SHARPIN: variants seen among roughly 807,000 people sequenced by gnomAD.
SHARPIN encodes SHANK associated RH domain interactor, also known as hSIPL1.
In SHARPIN, 25 loss-of-function variants were observed where a neutral mutation model predicts 40.3. The ratio of observed to expected loss-of-function variants is 0.62; its 90% CI spans 0.45 to 0.87. The LOEUF (loss-of-function observed/expected upper bound fraction) is 0.87. Among genes scored for constraint, SHARPIN ranks in the 40% least tolerant of loss-of-function variants. The probability of loss-of-function intolerance (pLI) is 0.00; values close to 1 mark genes in which losing one functional copy is unlikely to be tolerated. For missense variants in SHARPIN, 551 were observed against 516.1 expected (o/e 1.07, Z -0.66); for synonymous variants, 274 against 221.8 (o/e 1.24, Z -2.09).
intron 4 of SHARPIN, 39 bp downstream of exon 4, chr8:144,099,664 G>A (rs1564313584): frequency 1.9e-6 from 3 of 1,612,962 alleles, no homozygotes; most frequent in South Asian, 2.2e-5. Flanking sequence ...ACCTGGGATG[G>A]TCACGAGGAC....
In SHARPIN at chr8:144,103,202, C is replaced by G; in HGVS notation, c.225G>C (p.Glu75Asp). ...PGAVNLEWPL[E>D]SVSYTIRGPT... ...GGCCTCGGATGGTGTAGGAAACTGACTCCAGGGGCCACTCCAAATTAACCT... is the reference window on the plus strand; with the variant it reads ...GGCCTCGGATGGTGTAGGAAACTGAGTCCAGGGGCCACTCCAAATTAACCT... Residue 75 changes from glutamate (E) to aspartate (D), a missense_variant, in exon 2 of 9, where the codon GAG becomes GAC. Coordinates refer to ENST00000398712, the MANE Select transcript of SHARPIN (RefSeq NM_030974.4). 4 of 1,609,830 alleles carry G rather than the reference C, an allele frequency of 2.5e-6. No homozygotes were observed. The highest frequency in any genetic ancestry group is 3.4e-6 in the Non-Finnish European group (4 of 1,177,964).
chr8:144,102,952 G>A, intron 2 of SHARPIN, 99 bp downstream of exon 2: 1 of 1,462,840 alleles, frequency 6.8e-7, no homozygotes, highest in Non-Finnish European at 9.5e-7. Flanking sequence ...AGCCTTCCCA[G>A]ACATCCAGCA....
chr8:144,103,524 C>A (rs1444061843), intron 1 of SHARPIN, 29 bp downstream of exon 1: 35 of 1,529,922 alleles, frequency 2.3e-5, no homozygotes, highest in Non-Finnish European at 3.0e-5. Flanking sequence ...GCCAAGAGGA[C>A]TGACCGCGCG....
Position 144,100,086 on chromosome 8 carries a change from G to A in SHARPIN, c.377-17C>T. ...TCTTGCTGCCTAGAGGTAAGATATG[G>A]GTGTGCTGTGCTGTGGCCTCTGTCC... On this transcript the variant is annotated splice_polypyrimidine_tract_variant and intron_variant, in intron 2 of 8. Coordinates refer to ENST00000398712, the MANE Select transcript of SHARPIN (RefSeq NM_030974.4). 1.9e-6 allele frequency: 3 copies of A among 1,555,442 alleles called. No individual in the cohort carries two copies. The highest frequency in any genetic ancestry group is 2.6e-6 in the Non-Finnish European group (3 of 1,151,830).
Position 144,098,703 on chromosome 8 carries a change from G to A in SHARPIN, c.*98C>T, listed in dbSNP as rs1836217194. 1.9e-6 allele frequency: 1 copy of A among 522,838 alleles called. No homozygotes were observed. The highest frequency in any genetic ancestry group is 3.8e-5 in the Admixed American group (1 of 26,124). 32.4% of individuals were successfully genotyped at this position (522,838 alleles called of 1,614,324 possible). A position where few individuals can be genotyped will look rare whatever the true frequency, so the allele number is the denominator to read the frequency against. ...CCCCCCAACCCTGGTGACTGTCCCA[G>A]CAAGCAGTCAGTAGAGGTCCCCGGA... On this transcript the variant is annotated 3_prime_UTR_variant, in exon 9 of 9. Transcript: ENST00000398712.
chr8:144,099,126 G>T lies in SHARPIN; in HGVS notation c.1002C>A (p.Pro334=). 1 of 1,591,094 alleles carries T rather than the reference G, an allele frequency of 6.3e-7. No individual in the cohort carries two copies. The highest frequency in any genetic ancestry group is 8.6e-7 in the Non-Finnish European group (1 of 1,169,018). ...GRLFPPSLGL[P]PGPQPAASSL... ...TGGAGGCAGCTGGCTGGGGGCCTGG[G>T]GGTAGCCCCAATGATGGGGGAAACA... Residue 334 remains proline (P), a synonymous_variant, in exon 7 of 9, where the codon CCC becomes CCA. Transcript: ENST00000398712.
intron 2 of SHARPIN, chr8:144,102,718 G>A (rs1027729395): frequency 2.3e-6 from 1 of 436,634 alleles, no homozygotes; most frequent in South Asian, 2.3e-5. Flanking sequence ...TGCTGCTCTT[G>A]GGATGATGTC....
rs778687416 is a variant in SHARPIN at position 144,099,579 on chromosome 8, G to GGATGCGGCA, written c.690_698dup (p.Ala234_Ser236dup). On this transcript the variant is annotated inframe_insertion, in exon 5 of 9. Transcript: ENST00000398712. ...GGGCAACGTGTGCAGAGGACGCGGC[G>GGATGCGGCA]GATGCGGCAGAGGCAGCGTCTTCAA... 9 of 1,613,964 alleles carry GGATGCGGCA rather than the reference G, an allele frequency of 5.6e-6. No individual in the cohort carries two copies. Among genetic ancestry groups the GGATGCGGCA allele is most frequent in the Non-Finnish European group, 7.6e-6 (9 of 1,180,004 alleles).
At chr8:144,103,361 T>C (rs1323711370) in intron 1 of SHARPIN, 136 bp from the exon 2 acceptor site, 5 of 1,139,962 alleles carry the variant, frequency 4.4e-6, no homozygotes, top group East Asian at 2.6e-5. Context: ...ATCCTCACAA[T>C]AGCCCTGTAA....
At chr8:144,099,648 T>C (rs1276896763) in intron 4 of SHARPIN, 30 bp from the exon 5 acceptor site, 2 of 1,613,276 alleles carry the variant, frequency 1.2e-6, no homozygotes, top group East Asian at 2.2e-5. Context: ...CAGGGATGGA[T>C]GGGGGACCTG....
At chr8:144,101,226 T>C (rs571318286) in intron 2 of SHARPIN, among the ~76,000 whole-genome samples, 1 of 151,326 alleles carries the variant, frequency 6.6e-6, no homozygotes, top group Admixed American at 6.6e-5. Flanking sequence ...AACTCTACAG[T>C]AATTTTATTA....
Position 144,098,977 on chromosome 8 carries a change from A to C in SHARPIN, c.1065T>G (p.Pro355=), listed in dbSNP as rs1407687131. 1 of 1,602,388 alleles carries C rather than the reference A, an allele frequency of 6.2e-7. No individual in the cohort carries two copies. The highest frequency in any genetic ancestry group is 8.5e-7 in the Non-Finnish European group (1 of 1,176,812). Residue 355 remains proline, a synonymous_variant, in exon 8 of 9, where the codon CCT becomes CCG. Coordinates refer to ENST00000398712, the MANE Select transcript of SHARPIN (RefSeq NM_030974.4). ...PSPLQPSWSC[P]SCTFINAPDR... ...CTGGGGCATTGATGAAGGTGCAGGA[A>C]GGACAGGACCAGCTGGGCTGGGGGA...
chr8:144,101,575 ATTTTTTT>A (rs58173496), intron 2 of SHARPIN, among the ~76,000 whole-genome samples: 2 of 87,534 alleles, frequency 2.3e-5, no homozygotes, highest in South Asian at 4.6e-4. Flanking sequence ...CACCCAGCTA[ATTTTTTT>A]TTTTTTTTTT....
intron 2 of SHARPIN, 107 bp from the exon 3 acceptor site, chr8:144,100,176 C>T: frequency 9.3e-6 from 13 of 1,395,200 alleles, no homozygotes; most frequent in South Asian, 1.5e-5. Flanking sequence ...CATGCCAGGG[C>T]CCTGCCTCAG....
intron 1 of SHARPIN, 35 bp downstream of exon 1, chr8:144,103,518 A>C: frequency 6.5e-7 from 1 of 1,527,478 alleles, no homozygotes; most frequent in Non-Finnish European, 8.8e-7. Context: ...GCCCGGGCCA[A>C]GAGGACTGAC....
Position 144,103,003 on chromosome 8 carries a change from G to T in SHARPIN, c.376+48C>A, listed in dbSNP as rs775877099. The T allele has an allele frequency of 4.3e-6, 7 of 1,609,254 alleles. No individual in the cohort carries two copies. In the East Asian group the frequency reaches 1.6e-4, roughly 36 times the overall value. Reference sequence around the variant, plus strand: ...CCAACTTCCCCAACCAGGACTGGGGGGCCAAGGCTATTCCAAATTGTAATT... The same window carrying T: ...CCAACTTCCCCAACCAGGACTGGGGTGCCAAGGCTATTCCAAATTGTAATT... On this transcript the variant is annotated intron_variant, in intron 2 of 8. Coordinates refer to ENST00000398712, the MANE Select transcript of SHARPIN (RefSeq NM_030974.4).
Position 144,098,759 on chromosome 8 carries a change from G to A in SHARPIN, c.*42C>T, listed in dbSNP as rs372516788. 235 of 736,814 alleles carry A rather than the reference G, an allele frequency of 3.2e-4. 1 individual carries two copies. In the South Asian group the frequency reaches 4.6e-3, roughly 14 times the overall value. 45.6% of individuals were successfully genotyped at this position (736,814 alleles called of 1,614,324 possible). A position where few individuals can be genotyped will look rare whatever the true frequency, so the allele number is the denominator to read the frequency against. ...GTGGGGGCCTGGAGATGTCGGACTT[G>A]TGAGGGAAGGGCCACTCTCCCCTTG... On this transcript the variant is annotated 3_prime_UTR_variant, in exon 9 of 9. Coordinates refer to ENST00000398712, the MANE Select transcript of SHARPIN (RefSeq NM_030974.4).
Position 144,098,970 on chromosome 8 carries a change from T to C in SHARPIN, c.1072A>G (p.Thr358Ala), listed in dbSNP as rs201818510. 5.0e-6 allele frequency: 8 copies of C among 1,599,042 alleles called. No homozygotes were observed. Among genetic ancestry groups the C allele is most frequent in the Middle Eastern group, 1.7e-4 (1 of 5,960 alleles). ...GGGCGGTCTGGGGCATTGATGAAGG[T>C]GCAGGAAGGACAGGACCAGCTGGGC... ...LQPSWSCPSC[T>A]FINAPDRPGC... The change falls in exon 8 of 9, where the codon ACC becomes GCC. Residue 358 changes from threonine to alanine, a missense_variant. Thr to Ala is a moderately conservative substitution (Grantham distance 58). Coordinates refer to ENST00000398712, the MANE Select transcript of SHARPIN (RefSeq NM_030974.4).
chr8:144,099,338 C>A lies in SHARPIN; in HGVS notation c.861G>T (p.Gly287=). The A allele has an allele frequency of 6.2e-7, 1 of 1,614,132 alleles. No individual in the cohort carries two copies. Residue 287 remains glycine, a synonymous_variant, in exon 6 of 9, where the codon GGG becomes GGT. Transcript: ENST00000398712. ...AAGCAGGGTCCCCATCCTGCCGAACCCCGTAAGAGGCAAGGCTGCGCTCAG... is the reference window on the plus strand; with the variant it reads ...AAGCAGGGTCCCCATCCTGCCGAACACCGTAAGAGGCAAGGCTGCGCTCAG... ...CVPERSLASY[G]VRQDGDPAFL... is the part of the protein sequence containing the mutation.
Sources: allele counts gnomAD v4.1 joint callset (sites outside exome capture counted in the v4.1 genomes callset), GRCh38; gene constraint gnomAD v4.1.1; transcripts MANE v1.5; gene names NCBI Gene and HGNC (gene_info 2026-07-23, HGNC 2026-07-21).